SORCS3: variants seen among roughly 807,000 people sequenced by gnomAD.
The protein encoded by SORCS3 is VPS10 domain-containing receptor SorCS3.
SORCS3 carries 57 observed loss-of-function variants against 146.3 expected under a neutral mutation model. The ratio of observed to expected loss-of-function variants is 0.39; its 90% CI spans 0.31 to 0.49. The LOEUF is 0.49. SORCS3 is among the 20% of genes least tolerant of loss of function. The pLI, the probability that SORCS3 is intolerant of heterozygous loss-of-function variation, is 0.92. For missense variants in SORCS3, 1,341 were observed against 1,575.5 expected, an observed-to-expected ratio of 0.85 and a Z score of 2.52; for synonymous variants, 653 against 618.5, an observed-to-expected ratio of 1.06 and a Z score of -0.83.
At position 104,926,714 on chromosome 10, in the gene SORCS3, T is replaced by C. The variant is rs570537390; in HGVS notation, c.795+10782T>C. Reference sequence around the variant, plus strand: ...CTCATCACTTAAAGGAAAAAGAATCTAGAGTAATTCTTGGAAATTCAGTCT... The same window carrying C: ...CTCATCACTTAAAGGAAAAAGAATCCAGAGTAATTCTTGGAAATTCAGTCT... On this transcript the variant is annotated intron_variant, in intron 3 of 26. Transcript: ENST00000369701. 2.6e-5 allele frequency among the ~76,000 whole-genome samples: 4 copies of C among 152,358 alleles called. No homozygotes were observed. In the East Asian group the frequency reaches 7.7e-4, roughly 29 times the overall value.
chr10:104,727,418 G>A (rs1565421), intron 1 of SORCS3, among the ~76,000 whole-genome samples: 121,790 of 151,856 alleles, frequency 0.8, 49,113 homozygotes, highest in East Asian at 0.94. Context: ...TCCCTCCAAC[G>A]TCTTCCCTCC....
At chr10:104,778,843 C>A (rs1202584329) in intron 1 of SORCS3, among the ~76,000 whole-genome samples, 3 of 152,072 alleles carry the variant, frequency 2.0e-5, no homozygotes, top group African/African-American at 7.2e-5. Flanking sequence ...TGCAAAAGGT[C>A]CACATCTCCA....
chr10:104,983,536 G>A (rs1297305247), intron 4 of SORCS3, among the ~76,000 whole-genome samples: 1 of 152,130 alleles, frequency 6.6e-6, no homozygotes, highest in Non-Finnish European at 1.5e-5. Flanking sequence ...TTTTAGTTAA[G>A]ATAGGTGGCT....
intron 14 of SORCS3, among the ~76,000 whole-genome samples, chr10:105,186,385 C>T (rs1439369085): frequency 6.6e-6 from 1 of 152,152 alleles, no homozygotes. Context: ...AGGTGATGCT[C>T]AGCAAATATA....
intron 1 of SORCS3, among the ~76,000 whole-genome samples, chr10:104,711,684 A>G (rs552912225): frequency 6.6e-6 from 1 of 152,338 alleles, no homozygotes; most frequent in South Asian, 2.1e-4. Flanking sequence ...ATTTCTGCAT[A>G]GAGACAGATT....
chr10:105,001,225 G>A (rs1432672306), intron 4 of SORCS3, among the ~76,000 whole-genome samples: 1 of 152,176 alleles, frequency 6.6e-6, no homozygotes, highest in Non-Finnish European at 1.5e-5. Context: ...AGTGACAGAG[G>A]AGAGACATTT....
intron 22 of SORCS3, among the ~76,000 whole-genome samples, chr10:105,248,159 C>G (rs1388855805): frequency 6.6e-6 from 1 of 152,138 alleles, no homozygotes; most frequent in Non-Finnish European, 1.5e-5. Context: ...GAGGTAGGCA[C>G]TAGAATATAT....
At chr10:104,751,034 G>GAA (rs77119001) in intron 1 of SORCS3, among the ~76,000 whole-genome samples, 1 of 151,860 alleles carries the variant, frequency 6.6e-6, no homozygotes, top group Admixed American at 6.6e-5. Context: ...CAAATTGGAA[G>GAA]ACATACAAGA....
chr10:105,128,377 C>G (rs2055991538), intron 7 of SORCS3, among the ~76,000 whole-genome samples: 1 of 152,100 alleles, frequency 6.6e-6, no homozygotes. Context: ...ATGCAAATCC[C>G]ATGTTGGTGA....
Position 104,800,130 on chromosome 10 carries a change from C to T in SORCS3, c.628-42662C>T, listed in dbSNP as rs199777436. Among the ~76,000 whole-genome samples, 29 of 151,986 alleles carry T rather than the reference C, an allele frequency of 1.9e-4. No homozygotes were observed. In the East Asian group the frequency reaches 2.5e-3, roughly 13 times the overall value. On this transcript the variant is annotated intron_variant, in intron 1 of 26. Coordinates refer to ENST00000369701, the MANE Select transcript of SORCS3 (RefSeq NM_014978.3). ...ATGGATAAACTGTGATACATCCAGA[C>T]GATGGAAGCCTTAAGAAATGCACTA...
In SORCS3 at chr10:104,842,807, A is replaced by G. The variant is rs759718600; in HGVS notation, c.643A>G (p.Thr215Ala). The change falls in exon 2 of 27, where the codon ACG becomes GCG. Residue 215 changes from threonine (T) to alanine (A), a missense_variant. Transcript: ENST00000369701. Reference sequence around the variant, plus strand: ...CCCCTTGCAGGTCATACTTATCCTGACGAAGCTGTATGACTTCAACCTGGG... The same window carrying G: ...CCCCTTGCAGGTCATACTTATCCTGGCGAAGCTGTATGACTTCAACCTGGG... ...GHNSSVILIL[T>A]KLYDFNLGSV... The G allele has an allele frequency of 3.7e-6, 6 of 1,613,816 alleles. No individual in the cohort carries two copies. The highest frequency in any genetic ancestry group is 4.2e-6 in the Non-Finnish European group (5 of 1,179,830).
At chr10:105,246,827 A>G (rs1433815815) in intron 21 of SORCS3, among the ~76,000 whole-genome samples, 1 of 152,212 alleles carries the variant, frequency 6.6e-6, no homozygotes, top group African/African-American at 2.4e-5. Flanking sequence ...CAATGGGTGA[A>G]GGGATTAAAG....
chr10:104,756,647 G>A (rs1245613935), intron 1 of SORCS3, among the ~76,000 whole-genome samples: 1 of 152,246 alleles, frequency 6.6e-6, no homozygotes, highest in Admixed American at 6.5e-5. Context: ...GAAAGCCACA[G>A]CAAGGGGCAG....
chr10:105,099,730 C>T (rs2055770022), intron 6 of SORCS3, among the ~76,000 whole-genome samples: 1 of 152,152 alleles, frequency 6.6e-6, no homozygotes, highest in African/African-American at 2.4e-5. Flanking sequence ...TGCCTGAGTC[C>T]TGTGCAACTT....
intron 1 of SORCS3, among the ~76,000 whole-genome samples, chr10:104,679,712 C>T (rs1254695445): frequency 2.0e-5 from 3 of 152,130 alleles, no homozygotes; most frequent in African/African-American, 4.8e-5. Context: ...GAGTCCTTGC[C>T]GAGGGCTCTT....
intron 4 of SORCS3, among the ~76,000 whole-genome samples, chr10:105,035,684 T>G (rs1032031031): frequency 2.0e-5 from 3 of 152,146 alleles, no homozygotes; most frequent in Non-Finnish European, 4.4e-5. Flanking sequence ...GCCAGGATGG[T>G]CTCGAACTCC....
intron 1 of SORCS3, among the ~76,000 whole-genome samples, chr10:104,757,066 G>GTTT (rs35550035): frequency 2.4e-5 from 2 of 83,966 alleles, no homozygotes; most frequent in African/African-American, 9.2e-5. Context: ...CAAGTTAAGG[G>GTTT]TTTTTTTTTT....
intron 1 of SORCS3, among the ~76,000 whole-genome samples, chr10:104,736,041 C>T (rs1251936570): frequency 2.6e-5 from 4 of 152,132 alleles, no homozygotes; most frequent in Non-Finnish European, 5.9e-5. Context: ...TCTTTCATCT[C>T]GGCTCATCCC....
At chr10:104,748,196 A>T (rs528926725) in intron 1 of SORCS3, among the ~76,000 whole-genome samples, 3 of 152,256 alleles carry the variant, frequency 2.0e-5, no homozygotes, top group Middle Eastern at 3.4e-3. Context: ...ATAGATCTGG[A>T]TGATATATTT....
Sources: allele counts gnomAD v4.1 joint callset (sites outside exome capture counted in the v4.1 genomes callset), GRCh38; gene constraint gnomAD v4.1.1; transcripts MANE v1.5; gene names NCBI Gene and HGNC (gene_info 2026-07-23, HGNC 2026-07-21).